Variants in CP observed in about 807,000 individuals in gnomAD.
CP encodes caeruloplasmin.
CP carries 64 observed loss-of-function variants against 122.4 expected under a neutral mutation model. The ratio of observed to expected loss-of-function variants is 0.52; its 90% CI spans 0.43 to 0.64. The LOEUF (loss-of-function observed/expected upper bound fraction) is 0.64. Among genes scored for constraint, CP ranks in the 30% least tolerant of loss-of-function variants. CP has a pLI of 0.00. For synonymous variants in CP, 440 were observed against 436.4 expected (o/e 1.01, Z -0.10); for missense variants, 1,167 against 1,284.4 (o/e 0.91, Z 1.40).
At chr3:149,165,106 C>T (rs570241644) in intron 5 of CP, among the ~76,000 whole-genome samples, 8 of 152,220 alleles carry the variant, frequency 5.3e-5, no homozygotes, top group South Asian at 2.1e-4. Context: ...TCTCTTGTCT[C>T]TAGTACTATT....
chr3:149,207,470 C>A lies in CP; in HGVS notation c.929G>T (p.Arg310Leu), dbSNP rs202217551. Residue 310 changes from arginine (R) to leucine (L), a missense_variant, in exon 5 of 19, where the codon CGT becomes CTT. Physicochemically the swap from Arg to Leu is moderately radical, Grantham distance 102. Transcript: ENST00000264613. ...HGQALTNKNYRIDTINLFPAT... is the reference protein window; with the variant it reads ...HGQALTNKNYLIDTINLFPAT... ...AGGAAAGAGGTTGATTGTGTCAATA[C>A]GGTAGTTCTTGTTAGTCAGTGCTTG... 1.2e-6 allele frequency: 2 copies of A among 1,613,842 alleles called. No individual in the cohort carries two copies. The highest frequency in any genetic ancestry group is 1.1e-5 in the South Asian group (1 of 91,076).
intron 10 of CP, 87 bp downstream of exon 10, chr3:149,187,965 A>C: frequency 7.1e-7 from 1 of 1,411,738 alleles, no homozygotes; most frequent in Admixed American, 1.7e-5. Context: ...ATCAATGAGC[A>C]AAGCTCTTCA....
intron 8 of CP, among the ~76,000 whole-genome samples, chr3:149,199,248 A>G (rs1246271042): frequency 6.6e-6 from 1 of 152,152 alleles, no homozygotes; most frequent in Non-Finnish European, 1.5e-5. Flanking sequence ...TTTATTTGCT[A>G]TGATCTCAAC....
At chr3:149,209,458 A>G in intron 3 of CP, 74 bp from the exon 4 acceptor site, 1 of 1,436,522 alleles carries the variant, frequency 7.0e-7, no homozygotes, top group Non-Finnish European at 9.6e-7. Flanking sequence ...CAGGTGATTT[A>G]TAGTTTTTAA....
chr3:149,200,533 C>T (rs1003133631), intron 7 of CP, among the ~76,000 whole-genome samples: 2 of 152,022 alleles, frequency 1.3e-5, no homozygotes, highest in Non-Finnish European at 2.9e-5. Flanking sequence ...GATGGAGTCT[C>T]ATTCTGTTGC....
intron 6 of CP, 147 bp from the exon 7 acceptor site, chr3:149,202,388 TCAAA>T: frequency 3.0e-6 from 3 of 1,000,280 alleles, no homozygotes; most frequent in Non-Finnish European, 3.1e-6. Context: ...TACCAGTTAC[TCAAA>T]CAAAGCAGAC....
intron 5 of CP, chr3:149,164,010 A>T (rs909646464): frequency 1.6e-5 from 14 of 868,204 alleles, no homozygotes; most frequent in Non-Finnish European, 2.5e-5. Flanking sequence ...GTAAGATTAA[A>T]TTTGCTGAGA....
At chr3:149,197,945 G>C (rs1195962045) in intron 9 of CP, among the ~76,000 whole-genome samples, 1 of 152,142 alleles carries the variant, frequency 6.6e-6, no homozygotes, top group Non-Finnish European at 1.5e-5. Flanking sequence ...GTGTGTGGGG[G>C]ATGTTGGGGA....
rs1725560989 is a variant in CP, at chr3:149,178,489, ATGT to A, written c.2801_2803del (p.Asn934del). ...CTCGGGGTGATCAGAGTATGTTTTG[ATGT>A]TGTCATCTAAGTACCAAGATTCATT... On this transcript the variant is annotated inframe_deletion, in exon 16 of 19. Coordinates refer to ENST00000264613, the MANE Select transcript of CP (RefSeq NM_000096.4). The A allele has an allele frequency of 6.2e-7, 1 of 1,613,658 alleles. No individual in the cohort carries two copies.
rs1725410808 is a variant in CP, at chr3:149,176,269, G to A, written c.3162C>T (p.Tyr1054=). The A allele has an allele frequency of 6.2e-7, 1 of 1,612,360 alleles. No homozygotes were observed. The highest frequency in any genetic ancestry group is 1.7e-5 in the Admixed American group (1 of 59,988). Residue 1054 remains tyrosine, a synonymous_variant, in exon 18 of 19, where the codon TAC becomes TAT. Transcript: ENST00000264613. ...ATTCACCTTCATTTTGTAGAACGGT[G>A]TAAGTGGTTTCCATTCCAGCATGAA... ...DHIHAGMETT[Y]TVLQNEDTKS...
At chr3:149,209,806 C>G (rs1559958035) in intron 3 of CP, among the ~76,000 whole-genome samples, 1 of 152,080 alleles carries the variant, frequency 6.6e-6, no homozygotes, top group Non-Finnish European at 1.5e-5. Flanking sequence ...ATTATGTTTA[C>G]CAATATAGTA....
At chr3:149,201,452 TCTTTAA>T (rs202153614) in intron 7 of CP, among the ~76,000 whole-genome samples, 1,562 of 152,088 alleles carry the variant, frequency 0.01, 24 homozygotes, top group African/African-American at 0.036. Context: ...AGGGAACACA[TCTTTAA>T]CTAAGTGCAG....
chr3:149,172,125 A>G, downstream of CP: 1 of 1,613,192 alleles, frequency 6.2e-7, no homozygotes, highest in Non-Finnish European at 8.5e-7. Context: ...GTGGAACTAG[A>G]ACTGAAGGAT....
chr3:149,216,664 C>T (rs562214788), intron 1 of CP, among the ~76,000 whole-genome samples: 1 of 152,278 alleles, frequency 6.6e-6, no homozygotes, highest in Non-Finnish European at 1.5e-5. Context: ...GAGACTCAAC[C>T]TAGGTATATA....
At position 149,179,622 on chromosome 3, in the gene CP, A is replaced by G. The variant is rs1725650299; in HGVS notation, c.2595T>C (p.Ser865=). ...LTYVWKIPER[S]GAGTEDSACI... ...AAGCAGAATCCTCTGTTCCAGCTCC[A>G]GATCTTTCTGGGATTTTCCATACGT... The change falls in exon 15 of 19, where the codon TCT becomes TCC. Residue 865 remains serine, a synonymous_variant. Transcript: ENST00000264613. The G allele has an allele frequency of 6.2e-7, 1 of 1,613,858 alleles. No homozygotes were observed. The highest frequency in any genetic ancestry group is 1.7e-4 in the Middle Eastern group (1 of 6,058).
At chr3:149,182,930 C>T (rs757990430) in intron 13 of CP, among the ~76,000 whole-genome samples, 6 of 152,016 alleles carry the variant, frequency 3.9e-5, no homozygotes, top group South Asian at 2.1e-4. Context: ...GTGGGCGGAT[C>T]ACTTGAGGCC....
chr3:149,206,122 C>G, intron 6 of CP, 46 bp downstream of exon 6: 1 of 1,573,268 alleles, frequency 6.4e-7, no homozygotes, highest in Non-Finnish European at 8.7e-7. Flanking sequence ...TTCCTTTGTG[C>G]GGGGGAGAGC....
chr3:149,186,174 G>C (rs1489815970), intron 11 of CP: 4 of 354,874 alleles, frequency 1.1e-5, no homozygotes, highest in South Asian at 1.0e-4. Flanking sequence ...ATGATGAAAA[G>C]TTTAGGTGCA....
downstream of CP, among the ~76,000 whole-genome samples, chr3:149,169,630 C>G (rs912977931): frequency 5.3e-5 from 8 of 152,166 alleles, no homozygotes; most frequent in African/African-American, 1.7e-4. Context: ...TCAGTTATAA[C>G]AAACAAAAAT....
Sources: allele counts gnomAD v4.1 joint callset (sites outside exome capture counted in the v4.1 genomes callset), GRCh38; gene constraint gnomAD v4.1.1; transcripts MANE v1.5; gene names NCBI Gene and HGNC (gene_info 2026-07-23, HGNC 2026-07-21).